Variants in LRRTM4 observed in about 807,000 individuals in gnomAD.
LRRTM4 encodes the protein leucine-rich repeat transmembrane neuronal protein 4.
LRRTM4 carries 25 observed loss-of-function variants against 47.6 expected under a neutral mutation model. That is an observed-to-expected ratio of 0.53 (90% CI 0.38 to 0.73). The LOEUF is 0.73. Ranked by LOEUF, LRRTM4 falls within the 30% of genes least tolerant of loss-of-function variation. The pLI, the probability that LRRTM4 is intolerant of heterozygous loss-of-function variation, is 0.00. For synonymous variants in LRRTM4, 311 were observed against 269.5 expected, an observed-to-expected ratio of 1.15 and a Z score of -1.51; for missense variants, 638 against 713.4, an observed-to-expected ratio of 0.89 and a Z score of 1.20.
At position 77,350,332 on chromosome 2, in the gene LRRTM4, C is replaced by CAAAAAAAAA. The variant is rs61365229; in HGVS notation, c.1551+167977_1551+167985dup. On this transcript the variant is annotated intron_variant, in intron 3 of 3. Coordinates refer to ENST00000409884, the MANE Select transcript of LRRTM4 (RefSeq NM_001134745.3). ...TGGGCGACAGAGCAAGACTCCGTCT[C>CAAAAAAAAA]AAAAAAAAAAAAAAAAAAAAAAAAA... 1.1e-3 allele frequency among the ~76,000 whole-genome samples: 45 copies of CAAAAAAAAA among 39,206 alleles called. 1 individual carries two copies. Among genetic ancestry groups the CAAAAAAAAA allele is most frequent in the African/African-American group, 1.5e-3 (17 of 11,414 alleles). 25.7% of individuals were successfully genotyped at this position (39,206 alleles called of 152,430 possible). A position where few individuals can be genotyped will look rare whatever the true frequency, so the allele number is the denominator to read the frequency against.
chr2:77,124,201 G>C (rs1671596945), intron 3 of LRRTM4, among the ~76,000 whole-genome samples: 2 of 151,832 alleles, frequency 1.3e-5, no homozygotes, highest in Non-Finnish European at 2.9e-5. Flanking sequence ...GGAGCAACTG[G>C]GGCAAAAAAA....
intron 3 of LRRTM4, among the ~76,000 whole-genome samples, chr2:76,835,944 C>T (rs1025210129): frequency 1.3e-5 from 2 of 151,848 alleles, no homozygotes; most frequent in African/African-American, 4.8e-5. Flanking sequence ...AGATTAGCAA[C>T]GTTCTTGAAT....
intron 3 of LRRTM4, among the ~76,000 whole-genome samples, chr2:77,017,133 T>A (rs77398514): frequency 0.033 from 5,088 of 152,216 alleles, 278 homozygotes; most frequent in African/African-American, 0.12. Context: ...TCAGAAAGAA[T>A]TCTCCAGGAT....
chr2:77,234,914 A>G (rs1011004560), intron 3 of LRRTM4, among the ~76,000 whole-genome samples: 14 of 152,046 alleles, frequency 9.2e-5, no homozygotes, highest in African/African-American at 3.1e-4. Flanking sequence ...TCCAGTGTCT[A>G]TTGTTGCCAT....
chr2:76,895,855 T>G (rs960817443), intron 3 of LRRTM4, among the ~76,000 whole-genome samples: 4 of 152,090 alleles, frequency 2.6e-5, no homozygotes, highest in Non-Finnish European at 4.4e-5. Flanking sequence ...CCTTGACAAC[T>G]GAATTAATCT....
chr2:76,878,648 C>T (rs1188796273), intron 3 of LRRTM4, among the ~76,000 whole-genome samples: 1 of 152,112 alleles, frequency 6.6e-6, no homozygotes, highest in Non-Finnish European at 1.5e-5. Context: ...GCATGTGGAT[C>T]ACCTGAGGTC....
At chr2:77,286,198 G>A (rs1479420081) in intron 3 of LRRTM4, among the ~76,000 whole-genome samples, 2 of 151,998 alleles carry the variant, frequency 1.3e-5, no homozygotes, top group Non-Finnish European at 2.9e-5. Flanking sequence ...TGAGAATTCT[G>A]CTGGAGTATA....
intron 3 of LRRTM4, among the ~76,000 whole-genome samples, chr2:76,951,943 C>T (rs1288209693): frequency 6.6e-6 from 1 of 151,898 alleles, no homozygotes; most frequent in African/African-American, 2.4e-5. Context: ...CATTCATGTC[C>T]TTGCAAAGGA....
chr2:77,214,840 T>C (rs1159139577), intron 3 of LRRTM4, among the ~76,000 whole-genome samples: 1 of 152,144 alleles, frequency 6.6e-6, no homozygotes, highest in East Asian at 1.9e-4. Flanking sequence ...TTCTGGTGTT[T>C]GGTATCCTAA....
intron 3 of LRRTM4, among the ~76,000 whole-genome samples, chr2:77,080,679 C>T (rs1164422014): frequency 2.0e-5 from 3 of 152,140 alleles, no homozygotes; most frequent in Non-Finnish European, 4.4e-5. Context: ...TTATTTAACA[C>T]TTTAAAAAAT....
chr2:77,112,250 C>T (rs755374090), intron 3 of LRRTM4, among the ~76,000 whole-genome samples: 4 of 152,152 alleles, frequency 2.6e-5, no homozygotes, highest in Non-Finnish European at 4.4e-5. Context: ...GTGACTACCA[C>T]TGTTTACTTC....
At chr2:77,303,091 ATGTATCTGCC>A (rs1677174749) in intron 3 of LRRTM4, among the ~76,000 whole-genome samples, 1 of 152,086 alleles carries the variant, frequency 6.6e-6, no homozygotes, top group Admixed American at 6.6e-5. Flanking sequence ...GCACTATGCT[ATGTATCTGCC>A]TCACTCCCTC....
intron 3 of LRRTM4, among the ~76,000 whole-genome samples, chr2:77,297,301 T>A (rs1677000609): frequency 6.6e-6 from 1 of 152,178 alleles, no homozygotes; most frequent in Non-Finnish European, 1.5e-5. Context: ...AATAATTGAC[T>A]ATTTTATTTA....
chr2:77,414,394 A>T (rs560770914), intron 3 of LRRTM4, among the ~76,000 whole-genome samples: 1 of 152,266 alleles, frequency 6.6e-6, no homozygotes, highest in Admixed American at 6.5e-5. Context: ...CTATGTGAAC[A>T]GTTTATTTAC....
intron 3 of LRRTM4, among the ~76,000 whole-genome samples, chr2:76,918,238 T>G (rs565325939): frequency 1.3e-5 from 2 of 152,346 alleles, no homozygotes; most frequent in African/African-American, 2.4e-5. Context: ...ATTCTTCAGT[T>G]GCTAAAAAAG....
intron 3 of LRRTM4, among the ~76,000 whole-genome samples, chr2:76,794,882 TAA>T (rs1675184059): frequency 6.6e-6 from 1 of 151,582 alleles, no homozygotes; most frequent in Non-Finnish European, 1.5e-5. Context: ...TTTTTCTGAT[TAA>T]GAACCACAGT....
chr2:77,087,128 T>C (rs1680744384), intron 3 of LRRTM4, among the ~76,000 whole-genome samples: 1 of 152,186 alleles, frequency 6.6e-6, no homozygotes, highest in Non-Finnish European at 1.5e-5. Flanking sequence ...AGCTTGTTTG[T>C]TATGCATCTT....
intron 3 of LRRTM4, among the ~76,000 whole-genome samples, chr2:76,754,266 T>G (rs915893425): frequency 3.9e-5 from 6 of 152,144 alleles, no homozygotes; most frequent in Non-Finnish European, 7.4e-5. Flanking sequence ...ACTGGCTATA[T>G]TAGTATGTGA....
intron 3 of LRRTM4, among the ~76,000 whole-genome samples, chr2:76,968,801 C>T (rs1676124139): frequency 6.6e-6 from 1 of 151,834 alleles, no homozygotes; most frequent in Non-Finnish European, 1.5e-5. Flanking sequence ...AAAGACTTCT[C>T]GTGTTCAGCA....
Sources: gnomAD v4.1 joint callset for allele counts (sites outside exome capture counted in the v4.1 genomes callset) on GRCh38, gnomAD v4.1.1 for gene constraint, MANE v1.5 for transcripts, NCBI Gene and HGNC (gene_info 2026-07-23, HGNC 2026-07-21) for gene names.